DNAJC2: variants seen among roughly 807,000 people sequenced by gnomAD.
The protein encoded by DNAJC2 is dnaJ homolog subfamily C member 2.
In DNAJC2, 32 loss-of-function variants were observed where a neutral mutation model predicts 94.0. The observed-to-expected ratio is 0.34, with a 90% CI of 0.26 to 0.46. DNAJC2 has a LOEUF of 0.46. Ranked by LOEUF, DNAJC2 falls within the 20% of genes least tolerant of loss-of-function variation. The pLI, the probability that DNAJC2 is intolerant of heterozygous loss-of-function variation, is 1.00. For synonymous variants in DNAJC2, 210 were observed against 229.7 expected, an observed-to-expected ratio of 0.91 and a Z score of 0.77; for missense variants, 550 against 719.5, an observed-to-expected ratio of 0.76 and a Z score of 2.69.
intron 16 of DNAJC2, 32 bp from the exon 17 acceptor site, chr7:103,312,675 T>C (rs370576184): frequency 1.9e-6 from 3 of 1,603,512 alleles, no homozygotes; most frequent in Non-Finnish European, 2.5e-6. Context: ...ATTTAAGAAG[T>C]TGCGATTTAA....
At chr7:103,314,639 G>A (rs1009573532) in intron 15 of DNAJC2, 2 of 985,264 alleles carry the variant, frequency 2.0e-6, no homozygotes, top group Non-Finnish European at 2.4e-6. Flanking sequence ...CTGAAACCCT[G>A]CCTTGTTACT....
At chr7:103,324,913 T>C (rs1005396601) in intron 5 of DNAJC2, among the ~76,000 whole-genome samples, 4 of 152,144 alleles carry the variant, frequency 2.6e-5, no homozygotes, top group African/African-American at 4.8e-5. Flanking sequence ...CCCTAAATAG[T>C]CAGCACAACA....
Position 103,315,999 on chromosome 7 carries a change from A to G in DNAJC2, c.1517T>C (p.Leu506Pro). 1 of 1,592,740 alleles carries G rather than the reference A, an allele frequency of 6.3e-7. No individual in the cohort carries two copies. Among genetic ancestry groups the G allele is most frequent in the Non-Finnish European group, 8.5e-7 (1 of 1,169,772 alleles). ...TTCTCAAAACTCACCAAGTTTTTGG[A>G]GACTCTTTGCTTTGCCAATAACATC... ...AKDVIGKAKS[L>P]QKLDPHQKDD... Residue 506 changes from leucine (L) to proline (P), a missense_variant, in exon 14 of 17, where the codon CTC (leucine) becomes CCC (proline). Leu to Pro is a moderately conservative substitution (Grantham distance 98). Coordinates refer to ENST00000379263, the MANE Select transcript of DNAJC2 (RefSeq NM_014377.3).
intron 3 of DNAJC2, 149 bp from the exon 4 acceptor site, chr7:103,327,903 T>C (rs1298096374): frequency 7.3e-6 from 4 of 549,918 alleles, no homozygotes; most frequent in East Asian, 3.1e-5. Flanking sequence ...GTGAAAATTA[T>C]AGAGAAACTG....
At position 103,329,010 on chromosome 7, in the gene DNAJC2, C is replaced by T. The variant is rs566469434; in HGVS notation, c.332-1256G>A. The T allele has an allele frequency of 1.7e-5, 22 of 1,272,746 alleles. 1 individual carries two copies. The South Asian group carries it at 2.2e-4, about 13-fold the overall frequency. The allele number at this position is 1,272,746 out of a possible 1,614,324, so 78.8% of individuals were successfully genotyped here. ...AAAGGCAAACTATTTCATACTCCTA[C>T]GTGAACATCCTTTTACCACAGCCTC... On this transcript the variant is annotated intron_variant, in intron 3 of 16. Transcript: ENST00000379263.
chr7:103,314,654 T>C (rs1382974517), intron 15 of DNAJC2: 2 of 985,246 alleles, frequency 2.0e-6, no homozygotes, highest in Non-Finnish European at 2.4e-6. Context: ...GTTACTTACC[T>C]TTATTAAAAG....
intron 3 of DNAJC2, among the ~76,000 whole-genome samples, chr7:103,332,694 A>T (rs905691349): frequency 1.3e-4 from 19 of 151,720 alleles, no homozygotes; most frequent in Admixed American, 3.3e-4. Flanking sequence ...CAGTGGTGTG[A>T]TCACGGCTCA....
intron 15 of DNAJC2, 64 bp from the exon 16 acceptor site, chr7:103,313,165 T>A (rs1426425255): frequency 1.4e-5 from 22 of 1,520,860 alleles, no homozygotes; most frequent in Admixed American, 2.3e-5. Context: ...AGTCTTGTGG[T>A]CCACAAGTAT....
At chr7:103,324,458 C>A (rs750294729) in intron 6 of DNAJC2, 24 bp downstream of exon 6, 1 of 1,448,748 alleles carries the variant, frequency 6.9e-7, no homozygotes, top group South Asian at 1.3e-5. Flanking sequence ...ATGACAGCAT[C>A]ATACAAACAG....
rs1453888908 is a variant in DNAJC2, at chr7:103,322,685, T to G, written c.811+18A>C. 1.2e-6 allele frequency: 2 copies of G among 1,612,680 alleles called. No homozygotes were observed. Among genetic ancestry groups the G allele is most frequent in the East Asian group, 2.2e-5 (1 of 44,810 alleles). On this transcript the variant is annotated intron_variant, in intron 8 of 16. Transcript: ENST00000379263. Reference sequence around the variant, plus strand: ...TTGAATTTCTAACATTTAGGGGACTTAAATCAATTCTACTTACCAACTAAT... The same window carrying G: ...TTGAATTTCTAACATTTAGGGGACTGAAATCAATTCTACTTACCAACTAAT...
At chr7:103,337,968 T>A (rs142739121) in intron 2 of DNAJC2, among the ~76,000 whole-genome samples, 157 bp from the exon 3 acceptor site, 1 of 152,106 alleles carries the variant, frequency 6.6e-6, no homozygotes, top group East Asian at 1.9e-4. Context: ...TCAGGTAAGG[T>A]TGAGAAATGT....
At position 103,344,717 on chromosome 7, in the gene DNAJC2, T is replaced by C. The variant is rs1043691775; in HGVS notation, c.-95A>G. The C allele has an allele frequency of 1.5e-6, 2 of 1,345,518 alleles. No individual in the cohort carries two copies. Among genetic ancestry groups the C allele is most frequent in the Non-Finnish European group, 2.1e-6 (2 of 957,752 alleles). 83.3% of individuals were successfully genotyped at this position (1,345,518 alleles called of 1,614,324 possible). On this transcript the variant is annotated 5_prime_UTR_variant, in exon 1 of 17. Coordinates refer to ENST00000379263, the MANE Select transcript of DNAJC2 (RefSeq NM_014377.3). ...CCAGCTCTACCTCTCACTCCGAGCC[T>C]CGCGCCTTGGCTCTAAGACGCCCAG...
chr7:103,315,091 G>C (rs1586061526), intron 15 of DNAJC2, among the ~76,000 whole-genome samples: 1 of 151,948 alleles, frequency 6.6e-6, no homozygotes, highest in Admixed American at 6.6e-5. Context: ...TCATGACCCA[G>C]TGATGGGTCA....
chr7:103,322,478 T>A, intron 9 of DNAJC2, 33 bp downstream of exon 9: 1 of 1,413,630 alleles, frequency 7.1e-7, no homozygotes, highest in Non-Finnish European at 9.6e-7. Context: ...TTCATAAACA[T>A]TTAAAGTCCA....
Position 103,312,890 on chromosome 7 carries a change from A to C in DNAJC2, c.1791+57T>G. The stretch of plus-strand genomic sequence containing the variant: ...ACTTAATAGACATAAAATATGAGCT[A>C]TATCACCCAAGCTACAATTTAAAAT... On this transcript the variant is annotated intron_variant, in intron 16 of 16. Coordinates refer to ENST00000379263, the MANE Select transcript of DNAJC2 (RefSeq NM_014377.3). The C allele has an allele frequency of 1.9e-6, 3 of 1,571,254 alleles. No individual in the cohort carries two copies. The Middle Eastern group carries it at 5.2e-4, about 270-fold the overall frequency.
intron 3 of DNAJC2, chr7:103,329,458 C>G (rs1818876280): frequency 6.6e-6 from 1 of 152,262 alleles, no homozygotes; most frequent in Non-Finnish European, 1.5e-5. Context: ...TTTGTTAACA[C>G]TTATGTTTCA....
intron 16 of DNAJC2, 147 bp downstream of exon 16, chr7:103,312,800 C>T (rs1817824620): frequency 1.3e-6 from 2 of 1,510,778 alleles, no homozygotes; most frequent in Non-Finnish European, 1.8e-6. Context: ...TAAGGTTGCT[C>T]ATTTCTTCCT....
chr7:103,332,275 G>A (rs1819008673), intron 3 of DNAJC2, among the ~76,000 whole-genome samples: 1 of 152,142 alleles, frequency 6.6e-6, no homozygotes, highest in South Asian at 2.1e-4. Flanking sequence ...AAAGTGCTCG[G>A]ATTATAGGCG....
At chr7:103,314,955 G>T (rs1392946609) in intron 15 of DNAJC2, among the ~76,000 whole-genome samples, 1 of 152,114 alleles carries the variant, frequency 6.6e-6, no homozygotes, top group Non-Finnish European at 1.5e-5. Flanking sequence ...TTCAAACCTT[G>T]TCATAGCAAG....
Sources: allele counts gnomAD v4.1 joint callset (sites outside exome capture counted in the v4.1 genomes callset), GRCh38; gene constraint gnomAD v4.1.1; transcripts MANE v1.5; gene names NCBI Gene and HGNC (gene_info 2026-07-23, HGNC 2026-07-21).